ITCH: variants seen among roughly 807,000 people sequenced by gnomAD.
ITCH encodes the protein itchy E3 ubiquitin protein ligase, also known as E3 ubiquitin-protein ligase Itchy homolog.
Under a neutral mutation model 126.8 loss-of-function variants are expected in ITCH, and 28 were observed. The ratio of observed to expected loss-of-function variants is 0.22; its 90% CI spans 0.16 to 0.30. ITCH has a LOEUF of 0.30. Among genes scored for constraint, ITCH ranks in the 10% least tolerant of loss-of-function variants. The pLI, the probability that ITCH is intolerant of heterozygous loss-of-function variation, is 1.00. For missense variants in ITCH, 631 were observed against 1,032.4 expected, an observed-to-expected ratio of 0.61 and a Z score of 5.33; for synonymous variants, 342 against 340.0, an observed-to-expected ratio of 1.01 and a Z score of -0.06.
intron 3 of ITCH, among the ~76,000 whole-genome samples, chr20:34,406,025 T>A (rs2039046726): frequency 7.3e-6 from 1 of 136,972 alleles, no homozygotes; most frequent in African/African-American, 3.1e-5. Context: ...TCTGAAACAA[T>A]TTTTTTTTTT....
At chr20:34,503,924 C>T (rs752621652) in intron 23 of ITCH, among the ~76,000 whole-genome samples, 2 of 146,156 alleles carry the variant, frequency 1.4e-5, no homozygotes, top group African/African-American at 5.1e-5. Context: ...TTCTGTCACC[C>T]GGGCGAGAGT....
chr20:34,454,526 A>G (rs1031748531), intron 12 of ITCH: 6 of 152,162 alleles, frequency 3.9e-5, no homozygotes, highest in Non-Finnish European at 7.3e-5. Flanking sequence ...CATGAGAGGC[A>G]GAGTCCCACT....
At chr20:34,375,461 A>C (rs1210011558) in intron 2 of ITCH, among the ~76,000 whole-genome samples, 1 of 150,704 alleles carries the variant, frequency 6.6e-6, no homozygotes, top group Admixed American at 6.7e-5. Flanking sequence ...TGGGCTGGTC[A>C]TGGTGGCTCA....
intron 3 of ITCH, among the ~76,000 whole-genome samples, chr20:34,403,142 C>T (rs527924230): frequency 2.0e-5 from 3 of 152,050 alleles, no homozygotes; most frequent in African/African-American, 2.4e-5. Context: ...TGATCTCTTA[C>T]CTGGTTCATT....
chr20:34,499,216 C>G (rs1038624830), intron 23 of ITCH, among the ~76,000 whole-genome samples: 2 of 149,100 alleles, frequency 1.3e-5, no homozygotes, highest in Non-Finnish European at 3.0e-5. Flanking sequence ...CCTTGTGATC[C>G]GCCCGCCTTG....
intron 2 of ITCH, among the ~76,000 whole-genome samples, chr20:34,390,650 A>G (rs1016271124): frequency 2.0e-5 from 3 of 151,852 alleles, no homozygotes; most frequent in Non-Finnish European, 2.9e-5. Flanking sequence ...AGGTTTCACT[A>G]TGTTGGCCAG....
intron 24 of ITCH, among the ~76,000 whole-genome samples, chr20:34,507,282 T>TGG (rs1238095272): frequency 1.0e-5 from 1 of 95,788 alleles, no homozygotes; most frequent in Non-Finnish European, 2.4e-5. Flanking sequence ...TTTTTTTTTT[T>TGG]TTTTTTTGGT....
chr20:34,427,744 C>A (rs1286153383), intron 7 of ITCH, among the ~76,000 whole-genome samples: 1 of 152,008 alleles, frequency 6.6e-6, no homozygotes, highest in East Asian at 1.9e-4. Flanking sequence ...TGAAAGTTCC[C>A]GCATAAAATG....
intron 12 of ITCH, among the ~76,000 whole-genome samples, chr20:34,455,130 C>T (rs1262306984): frequency 6.6e-6 from 1 of 152,170 alleles, no homozygotes; most frequent in East Asian, 1.9e-4. Context: ...AGCGCAGGAC[C>T]AATAGTTAAC....
intron 14 of ITCH, among the ~76,000 whole-genome samples, chr20:34,467,678 A>ATTTTTTTTTTTTTTTT (rs147009659): frequency 1.0e-5 from 1 of 98,054 alleles, no homozygotes; most frequent in Non-Finnish European, 2.0e-5. Flanking sequence ...TTTCTTTTTC[A>ATTTTTTTTTTTTTTTT]TTTTTTTTTT....
chr20:34,400,212 T>C (rs572935641), intron 3 of ITCH, among the ~76,000 whole-genome samples: 8 of 152,136 alleles, frequency 5.3e-5, no homozygotes, highest in African/African-American at 1.9e-4. Context: ...GCTGGAATTA[T>C]AGGCGTGAGC....
intron 23 of ITCH, among the ~76,000 whole-genome samples, chr20:34,495,131 G>T (rs1345520261): frequency 6.6e-6 from 1 of 150,484 alleles, no homozygotes; most frequent in East Asian, 1.9e-4. Context: ...CAGGTGAGGT[G>T]GTGGGAGCCT....
At position 34,508,145 on chromosome 20, in the gene ITCH, G is replaced by C; in HGVS notation, c.*351G>C. 1 of 307,598 alleles carries C rather than the reference G, an allele frequency of 3.3e-6. No individual in the cohort carries two copies. Among genetic ancestry groups the C allele is most frequent in the South Asian group, 3.0e-5 (1 of 33,098 alleles). The allele number at this position is 307,598 out of a possible 1,614,324, so 19.1% of individuals were successfully genotyped here. ...TTTCTTTTAGACATTCTGCAGACAT[G>C]CAGGGAAGTCCTTTGGTAACTGCAA... On this transcript the variant is annotated 3_prime_UTR_variant, in exon 25 of 25. Coordinates refer to ENST00000374864, the MANE Select transcript of ITCH (RefSeq NM_031483.7).
intron 10 of ITCH, among the ~76,000 whole-genome samples, chr20:34,442,925 G>T (rs1367042431): frequency 3.3e-5 from 5 of 149,380 alleles, no homozygotes; most frequent in African/African-American, 1.2e-4. Flanking sequence ...GCAGTGAGCC[G>T]AGATCTCGCC....
intron 3 of ITCH, among the ~76,000 whole-genome samples, chr20:34,397,960 A>G (rs1312554117): frequency 1.3e-5 from 2 of 151,916 alleles, no homozygotes; most frequent in African/African-American, 4.8e-5. Flanking sequence ...TTTTCTTTGC[A>G]TAAAGTGTCT....
chr20:34,457,340 C>CT, intron 12 of ITCH, 50 bp from the exon 13 acceptor site: 1 of 1,168,890 alleles, frequency 8.6e-7, no homozygotes, highest in Middle Eastern at 1.9e-4. Context: ...AGCAAGAAGA[C>CT]TATGCCAATG....
At position 34,471,427 on chromosome 20, in the gene ITCH, T is replaced by A. The variant is rs757021041; in HGVS notation, c.1498-17T>A. The A allele has an allele frequency of 8.5e-6, 13 of 1,523,298 alleles. No homozygotes were observed. The highest frequency in any genetic ancestry group is 1.2e-5 in the Non-Finnish European group (13 of 1,097,128). The allele number at this position is 1,523,298 out of a possible 1,614,324, so 94.4% of individuals were successfully genotyped here. ...TTTTAATGATGAGAGTTGACTTAAG[T>A]CATTCTTCTATTTCAGCAACTGGCC... On this transcript the variant is annotated splice_polypyrimidine_tract_variant and intron_variant, in intron 15 of 24. Coordinates refer to ENST00000374864, the MANE Select transcript of ITCH (RefSeq NM_031483.7).
rs371132495 is a variant in ITCH at position 34,440,164 on chromosome 20, A to G, written c.689A>G (p.Asn230Ser). The G allele has an allele frequency of 5.6e-5, 91 of 1,611,184 alleles. 1 individual carries two copies. Among genetic ancestry groups the G allele is most frequent in the East Asian group, 1.1e-4 (5 of 44,888 alleles). Reference sequence around the variant, plus strand: ...CCCAAATCTTTTATAGCATCTGTCAATGGTTCACCATCTGCCACTTCTGAA... The same window carrying G: ...CCCAAATCTTTTATAGCATCTGTCAGTGGTTCACCATCTGCCACTTCTGAA... ...PPTPRRPASV[N>S]GSPSATSESD... The change falls in exon 9 of 25, where the codon AAT (asparagine) becomes AGT (serine). Residue 230 changes from asparagine (N) to serine (S), a missense_variant. This residue lies in a region of ITCH where 220 missense variants were observed against 265.7 expected (regional missense o/e 0.83). Coordinates refer to ENST00000374864, the MANE Select transcript of ITCH (RefSeq NM_031483.7).
chr20:34,501,265 A>T (rs887374635), intron 23 of ITCH, among the ~76,000 whole-genome samples: 2 of 152,228 alleles, frequency 1.3e-5, no homozygotes, highest in African/African-American at 4.8e-5. Flanking sequence ...TTTATGGATG[A>T]AATAACCTAT....
Sources: gnomAD v4.1 joint callset for allele counts (sites outside exome capture counted in the v4.1 genomes callset) on GRCh38, gnomAD v4.1.1 for gene constraint, gnomAD v4.1.1 regional missense constraint, MANE v1.5 for transcripts, NCBI Gene and HGNC (gene_info 2026-07-23, HGNC 2026-07-21) for gene names.